The following OSBPL6 variants were observed in gnomAD, a reference collection of about 807,000 sequenced individuals.
OSBPL6 encodes the protein oxysterol-binding protein-related protein 6.
Under a neutral mutation model 125.8 loss-of-function variants are expected in OSBPL6, and 49 were observed. The ratio of observed to expected loss-of-function variants is 0.39; its 90% confidence interval spans 0.31 to 0.49. The LOEUF is 0.49. Ranked by LOEUF, OSBPL6 falls within the 20% of genes least tolerant of loss-of-function variation. The probability of loss-of-function intolerance (pLI) is 0.88; values close to 1 mark genes in which losing one functional copy is unlikely to be tolerated. For synonymous variants in OSBPL6, 394 were observed against 391.8 expected (o/e 1.01, Z -0.07); for missense variants, 986 against 1,135.4 (o/e 0.87, Z 1.89).
chr2:178,360,984 C>T (rs1453986908), intron 12 of OSBPL6, among the ~76,000 whole-genome samples: 1 of 152,112 alleles, frequency 6.6e-6, no homozygotes, highest in Non-Finnish European at 1.5e-5. Context: ...GAAAGTCACC[C>T]TTTCTGTAGT....
At chr2:178,201,172 T>C (rs2089240391) in intron 1 of OSBPL6, among the ~76,000 whole-genome samples, 1 of 152,172 alleles carries the variant, frequency 6.6e-6, no homozygotes, top group Non-Finnish European at 1.5e-5. Context: ...AAATTTACCT[T>C]TCTGATTTGA....
intron 1 of OSBPL6, among the ~76,000 whole-genome samples, chr2:178,282,903 T>G (rs1206135690): frequency 6.6e-6 from 1 of 152,224 alleles, no homozygotes; most frequent in Non-Finnish European, 1.5e-5. Flanking sequence ...TTCACCCACC[T>G]TGGCTTCCCA....
chr2:178,251,713 T>A (rs1429002198), intron 1 of OSBPL6, among the ~76,000 whole-genome samples: 1 of 152,212 alleles, frequency 6.6e-6, no homozygotes, highest in Non-Finnish European at 1.5e-5. Flanking sequence ...AGAAGTACTA[T>A]GTTGATTTAA....
chr2:178,270,886 A>G (rs1024920699), intron 1 of OSBPL6, among the ~76,000 whole-genome samples: 2 of 152,220 alleles, frequency 1.3e-5, no homozygotes, highest in Non-Finnish European at 2.9e-5. Flanking sequence ...ACTAGGTTTT[A>G]TCAGGCCAAA....
intron 15 of OSBPL6, among the ~76,000 whole-genome samples, chr2:178,380,456 CAAAAAAAAAAAAAAAAA>C (rs60399092): frequency 7.7e-5 from 2 of 25,988 alleles, no homozygotes; most frequent in East Asian, 7.6e-4. Context: ...GAGTCTGTCT[CAAAAAAAAAAAAAAAAA>C]AAAAAAAAAA....
chr2:178,280,073 C>T (rs1359180733), intron 1 of OSBPL6, among the ~76,000 whole-genome samples: 1 of 152,076 alleles, frequency 6.6e-6, no homozygotes, highest in Admixed American at 6.5e-5. Flanking sequence ...TGGCGCACAC[C>T]TGTAGTCCCA....
intron 9 of OSBPL6, among the ~76,000 whole-genome samples, chr2:178,337,949 C>CTTTTTTTTTTTTTTTTTTTTTTTT (rs755944128): frequency 2.2e-5 from 3 of 139,180 alleles, no homozygotes; most frequent in East Asian, 2.1e-4. Flanking sequence ...TCAGTATTCT[C>CTTTTTTTTTTTTTTTTTTTTTTTT]TTTTTTTTTT....
chr2:178,253,338 A>G (rs2091766398), intron 1 of OSBPL6, among the ~76,000 whole-genome samples: 1 of 152,164 alleles, frequency 6.6e-6, no homozygotes, highest in Non-Finnish European at 1.5e-5. Flanking sequence ...ACTGTATATG[A>G]GCAGAAGTCA....
intron 1 of OSBPL6, among the ~76,000 whole-genome samples, chr2:178,199,124 A>C (rs980632638): frequency 2.6e-5 from 4 of 152,248 alleles, no homozygotes; most frequent in African/African-American, 9.6e-5. Flanking sequence ...GTGCATAAAT[A>C]CTATCTGGCA....
At chr2:178,323,308 T>C (rs1688406801) in intron 3 of OSBPL6, among the ~76,000 whole-genome samples, 2 of 152,214 alleles carry the variant, frequency 1.3e-5, no homozygotes, top group South Asian at 4.1e-4. Context: ...TTCGTGTACT[T>C]CACCCATTTT....
In OSBPL6 at chr2:178,256,554, G is replaced by A. The variant is rs116808358; in HGVS notation, c.-350-28373G>A. ...CCAGTGCTTCTCAAGGAAGTCGTGT[G>A]GAAAAGAGTGAATGCAGCGTCTGAG... On this transcript the variant is annotated intron_variant, in intron 1 of 24. Transcript: ENST00000190611. Among the ~76,000 whole-genome samples the A allele has an allele frequency of 6.2e-3, 940 of 152,266 alleles. 7 individuals are homozygous for A. Among genetic ancestry groups the A allele is most frequent in the African/African-American group, 0.021 (885 of 41,540 alleles).
intron 1 of OSBPL6, among the ~76,000 whole-genome samples, chr2:178,262,177 A>G (rs1278494897): frequency 6.6e-6 from 1 of 152,240 alleles, no homozygotes; most frequent in Non-Finnish European, 1.5e-5. Context: ...TTACTTACTT[A>G]TAGGAAAATT....
intron 1 of OSBPL6, among the ~76,000 whole-genome samples, chr2:178,250,039 C>T (rs1321110312): frequency 6.6e-6 from 1 of 152,128 alleles, no homozygotes; most frequent in Non-Finnish European, 1.5e-5. Context: ...TACTGCATGC[C>T]AGCAACCGTA....
chr2:178,357,690 T>A (rs949490429), intron 12 of OSBPL6, among the ~76,000 whole-genome samples: 1 of 152,186 alleles, frequency 6.6e-6, no homozygotes, highest in Non-Finnish European at 1.5e-5. Flanking sequence ...TCCTCAAGGA[T>A]CTAGAACTAG....
intron 13 of OSBPL6, among the ~76,000 whole-genome samples, chr2:178,364,941 G>T (rs1035949000): frequency 1.3e-5 from 2 of 152,192 alleles, no homozygotes; most frequent in African/African-American, 2.4e-5. Flanking sequence ...CACTTTGGGA[G>T]GCCGAGGTGG....
chr2:178,301,401 T>A (rs1366096150), intron 2 of OSBPL6, among the ~76,000 whole-genome samples: 1 of 152,160 alleles, frequency 6.6e-6, no homozygotes, highest in African/African-American at 2.4e-5. Flanking sequence ...TGGTTAAGAA[T>A]GGTATTGTTG....
intron 1 of OSBPL6, among the ~76,000 whole-genome samples, chr2:178,222,769 A>G (rs903789155): frequency 6.6e-6 from 1 of 152,238 alleles, no homozygotes; most frequent in African/African-American, 2.4e-5. Flanking sequence ...GAGAGAAATA[A>G]GATAGACCCT....
chr2:178,359,782 T>C (rs1050187652), intron 12 of OSBPL6, among the ~76,000 whole-genome samples: 2 of 152,234 alleles, frequency 1.3e-5, no homozygotes, highest in Admixed American at 1.3e-4. Flanking sequence ...AAGGACATTA[T>C]GCTAAGTGAA....
At chr2:178,348,971 T>C (rs1690983489) in intron 11 of OSBPL6, among the ~76,000 whole-genome samples, 1 of 152,216 alleles carries the variant, frequency 6.6e-6, no homozygotes, top group Non-Finnish European at 1.5e-5. Flanking sequence ...CTTTTCTTCC[T>C]GTCATTCTAT....
Sources: gnomAD v4.1 joint callset for allele counts (sites outside exome capture counted in the v4.1 genomes callset) on GRCh38, gnomAD v4.1.1 for gene constraint, MANE v1.5 for transcripts, NCBI Gene and HGNC (gene_info 2026-07-23, HGNC 2026-07-21) for gene names.